ASIC2: variants seen among roughly 807,000 people sequenced by gnomAD.
ASIC2 encodes acid sensing ion channel subunit 2.
Under a neutral mutation model 57.3 loss-of-function variants are expected in ASIC2, and 25 were observed. The observed-to-expected ratio is 0.44, with a 90% CI of 0.32 to 0.61. ASIC2 has a LOEUF of 0.61. Ranked by LOEUF, ASIC2 falls within the 20% of genes least tolerant of loss-of-function variation. The pLI, the probability that ASIC2 is intolerant of heterozygous loss-of-function variation, is 0.06. For missense variants in ASIC2, 641 were observed against 738.1 expected (o/e 0.87, Z 1.52); for synonymous variants, 319 against 307.5 (o/e 1.04, Z -0.39).
intron 1 of ASIC2, among the ~76,000 whole-genome samples, chr17:33,772,760 C>T (rs1354428226): frequency 2.0e-5 from 3 of 152,174 alleles, no homozygotes. Context: ...AAACCTGTCT[C>T]TTGAGGAAAG....
chr17:33,605,137 T>A (rs955478291), intron 1 of ASIC2, among the ~76,000 whole-genome samples: 17 of 152,170 alleles, frequency 1.1e-4, no homozygotes, highest in African/African-American at 3.9e-4. Context: ...CATAATTGAG[T>A]CTGTAACTTG....
intron 1 of ASIC2, among the ~76,000 whole-genome samples, chr17:34,048,989 G>A (rs908246723): frequency 1.3e-5 from 2 of 152,122 alleles, no homozygotes; most frequent in South Asian, 4.1e-4. Context: ...TCTGAGGTAA[G>A]AATGACATTT....
chr17:33,646,190 C>T (rs1374290446), intron 1 of ASIC2, among the ~76,000 whole-genome samples: 1 of 152,100 alleles, frequency 6.6e-6, no homozygotes, highest in Non-Finnish European at 1.5e-5. Flanking sequence ...AACAAACATC[C>T]CAAGCAGTAT....
chr17:33,330,781 A>C (rs1907281579), intron 1 of ASIC2, among the ~76,000 whole-genome samples: 1 of 152,142 alleles, frequency 6.6e-6, no homozygotes, highest in African/African-American at 2.4e-5. Context: ...GGATTGAGTC[A>C]TAAGAATAGA....
intron 1 of ASIC2, among the ~76,000 whole-genome samples, chr17:33,357,244 A>G (rs115675471): frequency 2.4e-3 from 365 of 152,234 alleles, no homozygotes; most frequent in African/African-American, 8.5e-3. Flanking sequence ...CATTGTTCAC[A>G]TATGCACAGG....
intron 1 of ASIC2, among the ~76,000 whole-genome samples, chr17:33,351,733 G>A (rs1231097584): frequency 1.3e-5 from 2 of 152,168 alleles, no homozygotes; most frequent in East Asian, 3.9e-4. Context: ...GGAAATTAAA[G>A]CCTTGGGAAG....
intron 1 of ASIC2, among the ~76,000 whole-genome samples, chr17:33,561,773 C>G (rs8080786): frequency 6.6e-6 from 1 of 152,016 alleles, no homozygotes; most frequent in Admixed American, 6.5e-5. Context: ...GAAAGCCCAG[C>G]GGGAATTGCT....
intron 1 of ASIC2, among the ~76,000 whole-genome samples, chr17:33,163,207 C>T (rs1200860083): frequency 6.6e-6 from 1 of 152,126 alleles, no homozygotes; most frequent in Non-Finnish European, 1.5e-5. Context: ...TCTCCTAGGC[C>T]GTCTCCAAGA....
intron 1 of ASIC2, among the ~76,000 whole-genome samples, chr17:33,662,648 T>TAA (rs910383687): frequency 1.4e-5 from 2 of 141,424 alleles, no homozygotes; most frequent in African/African-American, 5.3e-5. Context: ...AATAAATAAA[T>TAA]AAATAAATAA....
intron 3 of ASIC2, among the ~76,000 whole-genome samples, chr17:33,063,820 T>G (rs1246854107): frequency 6.6e-6 from 1 of 152,248 alleles, no homozygotes; most frequent in Non-Finnish European, 1.5e-5. Context: ...ATTTGGTCTT[T>G]TCACATAGTC....
intron 3 of ASIC2, among the ~76,000 whole-genome samples, chr17:33,051,450 A>C (rs2091975728): frequency 6.6e-6 from 1 of 152,222 alleles, no homozygotes; most frequent in African/African-American, 2.4e-5. Flanking sequence ...CAATATTCAC[A>C]GCCCTGTGAA....
intron 1 of ASIC2, among the ~76,000 whole-genome samples, chr17:33,614,947 T>G (rs1340669426): frequency 1.3e-5 from 2 of 152,230 alleles, no homozygotes; most frequent in Non-Finnish European, 2.9e-5. Context: ...CGCGTAATAA[T>G]AGCATCCACT....
At chr17:33,672,329 C>T (rs569911090) in intron 1 of ASIC2, among the ~76,000 whole-genome samples, 3 of 152,002 alleles carry the variant, frequency 2.0e-5, no homozygotes, top group African/African-American at 7.3e-5. Context: ...TATTACCCAC[C>T]CCCTCCCATA....
chr17:33,099,062 G>A (rs1026321460), intron 2 of ASIC2, among the ~76,000 whole-genome samples: 5 of 151,812 alleles, frequency 3.3e-5, no homozygotes, highest in African/African-American at 9.7e-5. Context: ...GCGTGATCTT[G>A]GCTCACTGCA....
chr17:33,941,610 A>C (rs2141979024), intron 1 of ASIC2, among the ~76,000 whole-genome samples: 1 of 152,314 alleles, frequency 6.6e-6, no homozygotes, highest in Non-Finnish European at 1.5e-5. Context: ...CATCTTCTCC[A>C]CTGGGGGCAA....
chr17:33,395,264 C>T (rs980026181), intron 1 of ASIC2, among the ~76,000 whole-genome samples: 1 of 151,878 alleles, frequency 6.6e-6, no homozygotes, highest in Non-Finnish European at 1.5e-5. Context: ...TTTCACACTG[C>T]TGATAAAGAC....
At chr17:33,883,327 C>T (rs377299363) in intron 1 of ASIC2, among the ~76,000 whole-genome samples, 64 of 152,252 alleles carry the variant, frequency 4.2e-4, no homozygotes, top group African/African-American at 1.5e-3. Context: ...GGCCTAGCTC[C>T]ACACAAGATT....
At chr17:33,742,722 G>T (rs1035197870) in intron 1 of ASIC2, among the ~76,000 whole-genome samples, 1 of 152,128 alleles carries the variant, frequency 6.6e-6, no homozygotes, top group African/African-American at 2.4e-5. Context: ...AGGCATAATG[G>T]GTTCTGATGT....
At chr17:33,465,372 CTTTT>C (rs67424466) in intron 1 of ASIC2, among the ~76,000 whole-genome samples, 2 of 88,272 alleles carry the variant, frequency 2.3e-5, no homozygotes, top group African/African-American at 4.4e-5. Flanking sequence ...TTTTCTTTTT[CTTTT>C]TTTTTTTTTT....
Sources: gnomAD v4.1 joint callset for allele counts (sites outside exome capture counted in the v4.1 genomes callset) on GRCh38, gnomAD v4.1.1 for gene constraint, MANE v1.5 for transcripts, NCBI Gene and HGNC (gene_info 2026-07-23, HGNC 2026-07-21) for gene names.